Variants in ADAMTSL1 observed in about 807,000 individuals in gnomAD.
ADAMTSL1 encodes the protein ADAMTS-like protein 1.
A neutral mutation model predicts 201.8 loss-of-function variants in ADAMTSL1; 126 were observed. The observed-to-expected ratio is 0.62, with a 90% confidence interval of 0.54 to 0.72. The LOEUF (loss-of-function observed/expected upper bound fraction) is 0.72. Among genes scored for constraint, ADAMTSL1 ranks in the 30% least tolerant of loss-of-function variants. The probability of loss-of-function intolerance (pLI) is 0.00; values close to 1 mark genes in which losing one functional copy is unlikely to be tolerated. For synonymous variants in ADAMTSL1, 1,121 were observed against 903.4 expected (o/e 1.24, Z -4.32); for missense variants, 2,679 against 2,277.8 (o/e 1.18, Z -3.59).
At chr9:18,361,901 A>G (rs1379242947) in intron 2 of ADAMTSL1, among the ~76,000 whole-genome samples, 1 of 152,146 alleles carries the variant, frequency 6.6e-6, no homozygotes, top group East Asian at 1.9e-4. Flanking sequence ...ACAACTTCCA[A>G]TCCCTGCTTA....
chr9:18,376,011 T>C (rs1368613735), intron 2 of ADAMTSL1, among the ~76,000 whole-genome samples: 1 of 152,166 alleles, frequency 6.6e-6, no homozygotes, highest in Non-Finnish European at 1.5e-5. Flanking sequence ...AGAGTGCTGA[T>C]TGGTGCATTT....
chr9:18,787,374 C>T (rs1231516220), intron 19 of ADAMTSL1, among the ~76,000 whole-genome samples: 2 of 152,096 alleles, frequency 1.3e-5, no homozygotes, highest in African/African-American at 4.8e-5. Flanking sequence ...AGTAGACAAC[C>T]AGTGGCAAAC....
intron 10 of ADAMTSL1, among the ~76,000 whole-genome samples, chr9:18,679,343 A>G (rs1830310214): frequency 6.6e-6 from 1 of 152,188 alleles, no homozygotes; most frequent in South Asian, 2.1e-4. Context: ...TAAGCAGAAT[A>G]TATGTAAAAA....
intron 6 of ADAMTSL1, among the ~76,000 whole-genome samples, chr9:18,638,774 C>T (rs1827259085): frequency 1.3e-5 from 2 of 151,996 alleles, no homozygotes; most frequent in Non-Finnish European, 2.9e-5. Flanking sequence ...CAGTAAGTAA[C>T]CAGAAAGTAT....
chr9:18,600,635 A>G (rs1021424789), intron 4 of ADAMTSL1, among the ~76,000 whole-genome samples: 4 of 152,142 alleles, frequency 2.6e-5, no homozygotes, highest in Non-Finnish European at 2.9e-5. Context: ...TTCTGCTTTC[A>G]TCTCATCTAG....
At chr9:18,511,697 T>C (rs1818033452) in intron 2 of ADAMTSL1, among the ~76,000 whole-genome samples, 1 of 152,214 alleles carries the variant, frequency 6.6e-6, no homozygotes, top group Admixed American at 6.5e-5. Context: ...CTAACTTCTC[T>C]GATTTTTAAT....
intron 7 of ADAMTSL1, among the ~76,000 whole-genome samples, chr9:18,646,288 G>T (rs1226569242): frequency 6.6e-6 from 1 of 151,948 alleles, no homozygotes; most frequent in East Asian, 1.9e-4. Flanking sequence ...GGAGATTTTG[G>T]GCTGAGACAA....
At chr9:18,301,528 TAAC>T (rs1470925408) in intron 2 of ADAMTSL1, among the ~76,000 whole-genome samples, 2 of 152,130 alleles carry the variant, frequency 1.3e-5, no homozygotes, top group African/African-American at 4.8e-5. Flanking sequence ...AGTAAGAAAG[TAAC>T]AACAATAATT....
intron 2 of ADAMTSL1, among the ~76,000 whole-genome samples, chr9:18,294,623 A>G (rs1305523292): frequency 1.3e-5 from 2 of 152,160 alleles, no homozygotes; most frequent in African/African-American, 4.8e-5. Flanking sequence ...GTGGGAAGGG[A>G]AAATGCTGTG....
At chr9:18,326,839 C>G (rs1436073275) in intron 2 of ADAMTSL1, among the ~76,000 whole-genome samples, 2 of 152,166 alleles carry the variant, frequency 1.3e-5, no homozygotes, top group Non-Finnish European at 2.9e-5. Flanking sequence ...ATGAGAATGT[C>G]TCTAATATAA....
chr9:18,674,835 G>A (rs1004426913), intron 9 of ADAMTSL1, among the ~76,000 whole-genome samples: 3 of 152,092 alleles, frequency 2.0e-5, no homozygotes, highest in Non-Finnish European at 4.4e-5. Flanking sequence ...CTCTACATCT[G>A]TGCATCTCCA....
intron 2 of ADAMTSL1, among the ~76,000 whole-genome samples, chr9:18,305,548 T>G (rs1027911471): frequency 1.3e-5 from 2 of 152,142 alleles, no homozygotes; most frequent in African/African-American, 2.4e-5. Context: ...TACTGAGGCT[T>G]GAGTAGGCGG....
chr9:18,468,064 AATG>A (rs1821072910), intron 2 of ADAMTSL1, among the ~76,000 whole-genome samples: 1 of 152,204 alleles, frequency 6.6e-6, no homozygotes, highest in Non-Finnish European at 1.5e-5. Context: ...CAACAATTAA[AATG>A]ATAAGTTTCT....
At chr9:18,861,332 T>A (rs1469405268) in intron 23 of ADAMTSL1, among the ~76,000 whole-genome samples, 1 of 152,182 alleles carries the variant, frequency 6.6e-6, no homozygotes, top group East Asian at 1.9e-4. Context: ...CTCATCCAGG[T>A]CTAAATTGGC....
At chr9:18,610,040 C>T (rs564795056) in intron 4 of ADAMTSL1, among the ~76,000 whole-genome samples, 1 of 152,222 alleles carries the variant, frequency 6.6e-6, no homozygotes, top group East Asian at 1.9e-4. Flanking sequence ...CACATAGATT[C>T]TTGGTATAAA....
chr9:18,267,775 C>CAAAAAAAAAAAAAAAAAAAAAA (rs1198311322), intron 2 of ADAMTSL1, among the ~76,000 whole-genome samples: 1 of 108,496 alleles, frequency 9.2e-6, no homozygotes, highest in African/African-American at 3.1e-5. Flanking sequence ...AAAAAAAAAA[C>CAAAAAAAAAAAAAAAAAAAAAA]AAAAACAAAA....
rs1469405354 is a variant in ADAMTSL1 at position 18,888,053 on chromosome 9, C to A, written c.4462+10C>A. 9 of 1,608,866 alleles carry A rather than the reference C, an allele frequency of 5.6e-6. No homozygotes were observed. The highest frequency in any genetic ancestry group is 7.6e-6 in the Non-Finnish European group (9 of 1,176,880). ...TCTTTAGTGATCCAAGGTAAGAAAC[C>A]CTGCAGACTTTGCATACTGGACTTG... is the stretch of plus-strand genomic sequence containing the variant. On this transcript the variant is annotated intron_variant, in intron 24 of 28. Coordinates refer to ENST00000380548, the MANE Select transcript of ADAMTSL1 (RefSeq NM_001040272.6).
At chr9:18,872,241 G>A (rs1254450209) in intron 23 of ADAMTSL1, among the ~76,000 whole-genome samples, 1 of 152,146 alleles carries the variant, frequency 6.6e-6, no homozygotes, top group East Asian at 1.9e-4. Flanking sequence ...GATACTTACA[G>A]AGCAATCATA....
At chr9:18,046,009 G>A (rs144048729) in intron 1 of ADAMTSL1, among the ~76,000 whole-genome samples, 1 of 152,304 alleles carries the variant, frequency 6.6e-6, no homozygotes, top group East Asian at 1.9e-4. Flanking sequence ...TGGGAGGAAG[G>A]AATCTGTTCC....
Sources: gnomAD v4.1 joint callset for allele counts (sites outside exome capture counted in the v4.1 genomes callset) on GRCh38, gnomAD v4.1.1 for gene constraint, MANE v1.5 for transcripts, NCBI Gene and HGNC (gene_info 2026-07-23, HGNC 2026-07-21) for gene names.